The following GPR63 variants were observed in gnomAD, a reference collection of about 807,000 sequenced individuals.
GPR63 encodes the protein G protein-coupled receptor 63, also known as probable G protein-coupled receptor 63.
In GPR63, 12 loss-of-function variants were observed where a neutral mutation model predicts 23.1. The ratio of observed to expected loss-of-function variants is 0.52; its 90% CI spans 0.33 to 0.84. GPR63 has a LOEUF of 0.84. Among genes scored for constraint, GPR63 ranks in the 40% least tolerant of loss-of-function variants. GPR63 has a pLI of 0.02. For missense variants in GPR63, 472 were observed against 515.6 expected (o/e 0.92, Z 0.82); for synonymous variants, 172 against 191.1 (o/e 0.90, Z 0.82).
At chr6:96,823,433 T>C (rs538618363) in intron 1 of GPR63, among the ~76,000 whole-genome samples, 2 of 152,160 alleles carry the variant, frequency 1.3e-5, no homozygotes, top group South Asian at 2.1e-4. Flanking sequence ...AAAATTTTAA[T>C]AGAAAAAGGC....
At chr6:96,801,360 C>T (rs999507794) in intron 1 of GPR63, among the ~76,000 whole-genome samples, 1 of 152,022 alleles carries the variant, frequency 6.6e-6, no homozygotes, top group African/African-American at 2.4e-5. Flanking sequence ...CCACCAAGCC[C>T]GGCTAATTTT....
chr6:96,803,528 T>C (rs1049304907), intron 1 of GPR63, among the ~76,000 whole-genome samples: 9 of 152,248 alleles, frequency 5.9e-5, no homozygotes, highest in Non-Finnish European at 1.3e-4. Context: ...GACTTAATAA[T>C]GCCTTTGCCT....
chr6:96,837,466 G>A lies in GPR63; in HGVS notation c.-349C>T, dbSNP rs1774768367. On this transcript the variant is annotated 5_prime_UTR_variant, in exon 1 of 2. Coordinates refer to ENST00000229955, the MANE Select transcript of GPR63 (RefSeq NM_030784.4). ...GATACAGGCGGCGGTGGCGGGAGCTGGAGCTGAAAGTGAGGAGCATCGCGG... is the reference window on the plus strand; with the variant it reads ...GATACAGGCGGCGGTGGCGGGAGCTAGAGCTGAAAGTGAGGAGCATCGCGG... 6.5e-6 allele frequency: 1 copy of A among 153,450 alleles called. No homozygotes were observed. The allele number at this position is 153,450 out of a possible 1,614,324, so 9.5% of individuals were successfully genotyped here. A position where few individuals can be genotyped will look rare whatever the true frequency, so the allele number is the denominator to read the frequency against.
chr6:96,831,743 G>A (rs552036898), intron 1 of GPR63, among the ~76,000 whole-genome samples: 2 of 151,500 alleles, frequency 1.3e-5, no homozygotes, highest in South Asian at 2.1e-4. Flanking sequence ...CCCCATCTAC[G>A]AAAAATACAA....
chr6:96,800,468 C>T (rs1773733673), intron 1 of GPR63, among the ~76,000 whole-genome samples: 1 of 151,996 alleles, frequency 6.6e-6, no homozygotes, highest in East Asian at 1.9e-4. Flanking sequence ...TCTTGGCTTG[C>T]TATTTATTTA....
chr6:96,828,549 C>A (rs1337330246), intron 1 of GPR63, among the ~76,000 whole-genome samples: 5 of 119,008 alleles, frequency 4.2e-5, no homozygotes, highest in African/African-American at 6.7e-5. Context: ...CCTGACCCCC[C>A]AAATAAAAAC....
chr6:96,803,260 T>C (rs1320789811), intron 1 of GPR63, among the ~76,000 whole-genome samples: 1 of 152,166 alleles, frequency 6.6e-6, no homozygotes, highest in Non-Finnish European at 1.5e-5. Context: ...GAAAAACCTC[T>C]AGATACTAAC....
intron 1 of GPR63, among the ~76,000 whole-genome samples, chr6:96,816,516 TCTGAGAGCCACCAAAGCAGGGAGAAC>T (rs764602521): frequency 1.3e-5 from 2 of 152,110 alleles, no homozygotes; most frequent in Non-Finnish European, 2.9e-5. Flanking sequence ...TTTGAAGACA[TCTGAGAGCCACCAAAGCAGGGAGAAC>T]CTGAGAGGCT....
chr6:96,823,117 A>G (rs190704989), intron 1 of GPR63, among the ~76,000 whole-genome samples: 3 of 152,342 alleles, frequency 2.0e-5, no homozygotes, highest in Admixed American at 2.0e-4. Flanking sequence ...ATAATACTGA[A>G]CAAACATAAT....
chr6:96,811,733 C>A (rs539873158), intron 1 of GPR63, among the ~76,000 whole-genome samples: 2 of 151,854 alleles, frequency 1.3e-5, no homozygotes, highest in Admixed American at 6.6e-5. Flanking sequence ...GAATGGGAGT[C>A]GAAGGACACA....
In GPR63 at chr6:96,794,555, C is replaced by T. The variant is rs1334720455; in HGVS notation, c.*3917G>A. ...ACATATGTAAATATTTTCACATAAACAAAAACAAAGATCAAGAAAAAAATT... is the reference window on the plus strand; with the variant it reads ...ACATATGTAAATATTTTCACATAAATAAAAACAAAGATCAAGAAAAAAATT... On this transcript the variant is annotated 3_prime_UTR_variant, in exon 2 of 2. Transcript: ENST00000229955. 1 of 151,970 alleles carries T rather than the reference C, an allele frequency of 6.6e-6. No individual in the cohort carries two copies. Among genetic ancestry groups the T allele is most frequent in the Non-Finnish European group, 1.5e-5 (1 of 67,998 alleles). The allele number at this position is 151,970 out of a possible 1,614,324, so 9.4% of individuals were successfully genotyped here.
At chr6:96,832,788 AC>A (rs751973807) in intron 1 of GPR63, among the ~76,000 whole-genome samples, 14 of 138,990 alleles carry the variant, frequency 1.0e-4, no homozygotes, top group Non-Finnish European at 1.9e-4. Context: ...GAACTTAAAT[AC>A]AAGTTAAAAA....
chr6:96,798,880 G>A lies in GPR63; in HGVS notation c.852C>T (p.Cys284=). ...LRIHSYPEGI[C]LSQASKLGLM... ...GACCCAGTTTGCTGGCCTGGCTGAG[G>A]CATATACCTTCAGGGTAGCTATGGA... The change falls in exon 2 of 2, where the codon TGC becomes TGT. Residue 284 remains cysteine (C), a synonymous_variant. Coordinates refer to ENST00000229955, the MANE Select transcript of GPR63 (RefSeq NM_030784.4). 5 of 1,614,196 alleles carry A rather than the reference G, an allele frequency of 3.1e-6. No individual in the cohort carries two copies. Among genetic ancestry groups the A allele is most frequent in the Non-Finnish European group, 4.2e-6 (5 of 1,180,048 alleles).
intron 1 of GPR63, among the ~76,000 whole-genome samples, chr6:96,812,256 T>G (rs1374048244): frequency 2.0e-5 from 3 of 152,198 alleles, no homozygotes; most frequent in Non-Finnish European, 4.4e-5. Context: ...AGTGTTCTAT[T>G]TATAATGATG....
At chr6:96,832,914 A>C (rs922225044) in intron 1 of GPR63, among the ~76,000 whole-genome samples, 25 of 152,338 alleles carry the variant, frequency 1.6e-4, no homozygotes, top group East Asian at 1.4e-3. Flanking sequence ...CAATTTATAG[A>C]AAATGGAGAA....
chr6:96,807,259 C>T (rs959199484), intron 1 of GPR63, among the ~76,000 whole-genome samples: 11 of 152,342 alleles, frequency 7.2e-5, no homozygotes, highest in African/African-American at 2.6e-4. Flanking sequence ...AACAACATAG[C>T]CATGGCAGAA....
chr6:96,829,304 T>TCACA (rs1774521522), intron 1 of GPR63, among the ~76,000 whole-genome samples: 1 of 152,144 alleles, frequency 6.6e-6, no homozygotes, highest in Non-Finnish European at 1.5e-5. Context: ...TCTGACCATA[T>TCACA]CACAAATAGT....
At chr6:96,810,616 A>G (rs1386265810) in intron 1 of GPR63, among the ~76,000 whole-genome samples, 2 of 152,192 alleles carry the variant, frequency 1.3e-5, no homozygotes, top group African/African-American at 4.8e-5. Flanking sequence ...AATGTTCATC[A>G]TATACTAAAA....
intron 1 of GPR63, among the ~76,000 whole-genome samples, chr6:96,819,655 C>T (rs1237771338): frequency 1.3e-5 from 2 of 149,578 alleles, no homozygotes; most frequent in Non-Finnish European, 3.0e-5. Flanking sequence ...GCATGTTCTG[C>T]ACATGTATCC....
Sources: allele counts gnomAD v4.1 joint callset (sites outside exome capture counted in the v4.1 genomes callset), GRCh38; gene constraint gnomAD v4.1.1; transcripts MANE v1.5; gene names NCBI Gene and HGNC (gene_info 2026-07-23, HGNC 2026-07-21).